Variants in AGBL1 observed in about 807,000 individuals in gnomAD.
The protein encoded by AGBL1 is AGBL carboxypeptidase 1, also known as cytosolic carboxypeptidase 4.
In AGBL1, 130 loss-of-function variants were observed where a neutral mutation model predicts 118.9. The ratio of observed to expected loss-of-function variants is 1.09; its 90% confidence interval spans 0.95 to 1.26. The LOEUF (loss-of-function observed/expected upper bound fraction) is 1.26. Among genes scored for constraint, AGBL1 ranks in the 50% most tolerant of loss-of-function variants. AGBL1 has a pLI of 0.00. For missense variants in AGBL1, 1,584 were observed against 1,298.1 expected, an observed-to-expected ratio of 1.22 and a Z score of -3.38; for synonymous variants, 555 against 478.9, an observed-to-expected ratio of 1.16 and a Z score of -2.08.
intron 24 of AGBL1, among the ~76,000 whole-genome samples, chr15:87,020,550 G>A (rs185678152): frequency 1.4e-3 from 220 of 151,858 alleles, no homozygotes; most frequent in African/African-American, 5.0e-3. Flanking sequence ...TAAGAAGAGA[G>A]GAAATCAAAT....
intron 4 of AGBL1, among the ~76,000 whole-genome samples, chr15:86,158,491 T>C (rs2077222825): frequency 6.6e-6 from 1 of 152,190 alleles, no homozygotes; most frequent in Non-Finnish European, 1.5e-5. Flanking sequence ...GAGCTCTACC[T>C]AAAGTGATCT....
chr15:86,315,814 C>T (rs12915349), intron 17 of AGBL1, among the ~76,000 whole-genome samples: 10,441 of 151,876 alleles, frequency 0.069, 474 homozygotes, highest in African/African-American at 0.12. Context: ...TTATTTCACA[C>T]GGGAATACTA....
intron 7 of AGBL1, among the ~76,000 whole-genome samples, chr15:86,250,001 T>C (rs2078784638): frequency 6.6e-6 from 1 of 152,192 alleles, no homozygotes; most frequent in African/African-American, 2.4e-5. Flanking sequence ...GGAAGCAGAA[T>C]GTGAGTGCAC....
At chr15:86,624,904 A>G (rs1489405396) in intron 21 of AGBL1, among the ~76,000 whole-genome samples, 1 of 152,094 alleles carries the variant, frequency 6.6e-6, no homozygotes, top group East Asian at 1.9e-4. Context: ...AATCATCTAG[A>G]ATGTCACGGC....
chr15:86,094,240 T>C (rs1400390297), intron 1 of AGBL1, among the ~76,000 whole-genome samples: 1 of 152,174 alleles, frequency 6.6e-6, no homozygotes, highest in East Asian at 1.9e-4. Context: ...TAAACTCATA[T>C]ATGTTATCTA....
At chr15:86,132,010 A>G (rs530875210) in intron 1 of AGBL1, among the ~76,000 whole-genome samples, 1 of 152,016 alleles carries the variant, frequency 6.6e-6, no homozygotes, top group South Asian at 2.1e-4. Context: ...CCTGATGCCT[A>G]TTTCTTAACC....
intron 24 of AGBL1, among the ~76,000 whole-genome samples, chr15:87,016,303 T>A (rs2081607681): frequency 6.6e-6 from 1 of 152,138 alleles, no homozygotes; most frequent in Admixed American, 6.6e-5. Flanking sequence ...TTCTGACTGC[T>A]ATAATAGAGA....
chr15:86,754,323 C>A (rs2077901290), intron 22 of AGBL1, among the ~76,000 whole-genome samples: 1 of 152,042 alleles, frequency 6.6e-6, no homozygotes, highest in African/African-American at 2.4e-5. Flanking sequence ...TTCTTGAGGG[C>A]AGGTGCCATG....
intron 22 of AGBL1, among the ~76,000 whole-genome samples, chr15:86,821,403 G>A (rs1367887244): frequency 6.6e-6 from 1 of 152,056 alleles, no homozygotes; most frequent in East Asian, 1.9e-4. Context: ...TGAAATCTAA[G>A]GCTAAGAATA....
At chr15:87,014,396 T>C (rs1438503324) in intron 24 of AGBL1, among the ~76,000 whole-genome samples, 2 of 152,224 alleles carry the variant, frequency 1.3e-5, no homozygotes, top group African/African-American at 4.8e-5. Flanking sequence ...GAGGACTTTA[T>C]CTGCTATATC....
intron 18 of AGBL1, among the ~76,000 whole-genome samples, chr15:86,419,563 AG>A (rs1024981868): frequency 2.7e-5 from 4 of 149,236 alleles, no homozygotes; most frequent in African/African-American, 9.8e-5. Flanking sequence ...TAGCTGCAGG[AG>A]TTTTTTTTTT....
At chr15:86,491,688 G>A (rs1381858242) in intron 18 of AGBL1, among the ~76,000 whole-genome samples, 1 of 152,134 alleles carries the variant, frequency 6.6e-6, no homozygotes, top group Admixed American at 6.5e-5. Context: ...TAGGGTGGGT[G>A]AAGAAGAGGG....
chr15:86,688,230 A>G (rs1004370675), intron 22 of AGBL1, among the ~76,000 whole-genome samples: 2 of 151,968 alleles, frequency 1.3e-5, no homozygotes, highest in African/African-American at 4.8e-5. Context: ...TGCTTTCTTC[A>G]CAACATAAAG....
chr15:86,638,580 C>T lies in AGBL1; in HGVS notation c.2995-35693C>T, dbSNP rs549155187. Among the ~76,000 whole-genome samples, 7 of 152,238 alleles carry T rather than the reference C, an allele frequency of 4.6e-5. No individual in the cohort carries two copies. The South Asian group carries it at 1.5e-3, about 32-fold the overall frequency. The stretch of plus-strand genomic sequence containing the variant: ...AGCATTCTCCTTTATCTCCAAGACT[C>T]CTGTCAGCCCCACACTTTGTTCTTC... On this transcript the variant is annotated intron_variant, in intron 21 of 22. Coordinates refer to ENST00000614907, the MANE Select transcript of AGBL1 (RefSeq NM_001386094.1).
intron 18 of AGBL1, among the ~76,000 whole-genome samples, chr15:86,429,422 C>A (rs2081907487): frequency 6.6e-6 from 1 of 152,182 alleles, no homozygotes; most frequent in Non-Finnish European, 1.5e-5. Context: ...TGTGATTTTT[C>A]TTCGAAAGTA....
chr15:86,457,875 G>T lies in AGBL1; in HGVS notation c.2555+60329G>T, dbSNP rs115318646. On this transcript the variant is annotated intron_variant, in intron 18 of 22. Transcript: ENST00000614907. ...CATAATTCCTCTAAGACCTCTCTGG[G>T]CCTGGGATTAGTGAGTGCCCCCGAT... Among the ~76,000 whole-genome samples the T allele has an allele frequency of 2.8e-3, 419 of 152,266 alleles. 5 individuals carry two copies. Among genetic ancestry groups the T allele is most frequent in the African/African-American group, 9.5e-3 (396 of 41,570 alleles).
intron 21 of AGBL1, among the ~76,000 whole-genome samples, chr15:86,603,461 C>T (rs1182216682): frequency 6.6e-6 from 1 of 151,916 alleles, no homozygotes; most frequent in African/African-American, 2.4e-5. Context: ...CATCTGGGCA[C>T]TTGGCTAAAG....
intron 22 of AGBL1, among the ~76,000 whole-genome samples, chr15:86,808,865 A>T (rs2078752535): frequency 6.6e-6 from 1 of 151,262 alleles, no homozygotes. Flanking sequence ...TTTCCTTATC[A>T]TTGGCAATTA....
At chr15:86,919,998 A>C (rs372023728), downstream of AGBL1, among the ~76,000 whole-genome samples, 1 of 152,150 alleles carries the variant, frequency 6.6e-6, no homozygotes. Context: ...CATTGCTGGG[A>C]AACAAATTAC....
Sources: gnomAD v4.1 joint callset for allele counts (sites outside exome capture counted in the v4.1 genomes callset) on GRCh38, gnomAD v4.1.1 for gene constraint, MANE v1.5 for transcripts, NCBI Gene and HGNC (gene_info 2026-07-23, HGNC 2026-07-21) for gene names.